Variants in PTPN13 observed in about 807,000 individuals in gnomAD.
The protein encoded by PTPN13 is protein tyrosine phosphatase non-receptor type 13, also known as tyrosine-protein phosphatase non-receptor type 13.
In PTPN13, 191 loss-of-function variants were observed where a neutral mutation model predicts 284.0. That is an observed-to-expected ratio of 0.67 (90% CI 0.60 to 0.76). The LOEUF is 0.76. Ranked by LOEUF, PTPN13 falls within the 30% of genes least tolerant of loss-of-function variation. The pLI, the probability that PTPN13 is intolerant of heterozygous loss-of-function variation, is 0.00. For synonymous variants in PTPN13, 986 were observed against 1,022.3 expected (o/e 0.96, Z 0.68); for missense variants, 2,797 against 2,939.9 (o/e 0.95, Z 1.12).
chr4:86,783,016 G>C (rs1477620029), intron 37 of PTPN13, among the ~76,000 whole-genome samples: 1 of 152,076 alleles, frequency 6.6e-6, no homozygotes, highest in East Asian at 1.9e-4. Context: ...CTTCAATATG[G>C]AATGGCTTTC....
rs982389398 is a variant in PTPN13 at position 86,744,870 on chromosome 4, T to A, written c.2488-96T>A. On this transcript the variant is annotated intron_variant, in intron 16 of 47. Coordinates refer to ENST00000411767, the MANE Select transcript of PTPN13 (RefSeq NM_080683.3). ...GATGCATGACTATATAGGATTATAT[T>A]CATATTAGATGTAAGTCAATATCCA... 5 of 912,562 alleles carry A rather than the reference T, an allele frequency of 5.5e-6. No individual in the cohort carries two copies. The African/African-American group carries it at 6.7e-5, about 12-fold the overall frequency. The allele number at this position is 912,562 out of a possible 1,614,324, so 56.5% of individuals were successfully genotyped here.
intron 18 of PTPN13, 38 bp from the exon 19 acceptor site, chr4:86,750,989 A>T (rs755985577): frequency 4.5e-6 from 7 of 1,565,222 alleles, no homozygotes; most frequent in Non-Finnish European, 6.1e-6. Flanking sequence ...ATTTTTTTAC[A>T]TTAACACTTC....
chr4:86,680,725 C>G (rs1054779411), intron 3 of PTPN13, among the ~76,000 whole-genome samples: 1 of 152,296 alleles, frequency 6.6e-6, no homozygotes, highest in Middle Eastern at 3.4e-3. Context: ...ACATGAAAAT[C>G]TCTCCAGAGT....
At position 86,768,741 on chromosome 4, in the gene PTPN13, C is replaced by T. The variant is rs1386573013; in HGVS notation, c.4489+765C>T. Among the ~76,000 whole-genome samples the T allele has an allele frequency of 4.4e-5, 6 of 135,266 alleles. No individual in the cohort carries two copies. The East Asian group carries it at 8.5e-4, about 19-fold the overall frequency. The allele number at this position is 135,266 out of a possible 152,430, so 88.7% of individuals were successfully genotyped here. A position where few individuals can be genotyped will look rare whatever the true frequency, so the allele number is the denominator to read the frequency against. Reference sequence around the variant, plus strand: ...TTTTTTTTTTTTTGAAACAGAGTCTCGTTCTGTTGCCCAGGCTGGAGTACA... The same window carrying T: ...TTTTTTTTTTTTTGAAACAGAGTCTTGTTCTGTTGCCCAGGCTGGAGTACA... On this transcript the variant is annotated intron_variant, in intron 28 of 47. Coordinates refer to ENST00000411767, the MANE Select transcript of PTPN13 (RefSeq NM_080683.3).
At chr4:86,730,882 G>T (rs545102235) in intron 10 of PTPN13, among the ~76,000 whole-genome samples, 65 of 152,270 alleles carry the variant, frequency 4.3e-4, no homozygotes, top group African/African-American at 1.5e-3. Flanking sequence ...CCCGTCTTCT[G>T]TGTCGATCAC....
chr4:86,597,272 CTG>C (rs1420491460), intron 1 of PTPN13, among the ~76,000 whole-genome samples: 1 of 151,350 alleles, frequency 6.6e-6, no homozygotes, highest in African/African-American at 2.4e-5. Context: ...GATAGGGTCT[CTG>C]TTGCCCAGTT....
chr4:86,668,731 G>T (rs1475649176), intron 2 of PTPN13, among the ~76,000 whole-genome samples: 8 of 150,904 alleles, frequency 5.3e-5, no homozygotes. Flanking sequence ...GAGTACCTGG[G>T]ATTACAGGTA....
At chr4:86,661,166 G>A in intron 2 of PTPN13, 1 of 441,726 alleles carries the variant, frequency 2.3e-6, no homozygotes, top group Non-Finnish European at 4.5e-6. Flanking sequence ...TTTACCAAGG[G>A]TAATCACTGC....
intron 10 of PTPN13, among the ~76,000 whole-genome samples, chr4:86,731,259 T>C (rs908775597): frequency 1.3e-5 from 2 of 152,198 alleles, no homozygotes; most frequent in Admixed American, 6.5e-5. Context: ...CATTAAGATA[T>C]GATCTTTCAG....
Position 86,701,625 on chromosome 4 carries a change from A to G in PTPN13, c.1019A>G (p.Lys340Arg), listed in dbSNP as rs1455604331. The part of the protein sequence containing the change: ...TVRTSTTPRK[K>R]EARYSDGSIA... ...CGGACTTCAACTACTCCTAGAAAAAAGGAGGCAAGATACTCAGATGGAAGT... is the reference window on the plus strand; with the variant it reads ...CGGACTTCAACTACTCCTAGAAAAAGGGAGGCAAGATACTCAGATGGAAGT... Residue 340 changes from lysine to arginine, a missense_variant, in exon 7 of 48, where the codon AAG (lysine) becomes AGG (arginine). By Grantham distance (26) the Lys-to-Arg change is conservative (BLOSUM62 2). Transcript: ENST00000411767. The G allele has an allele frequency of 8.1e-6, 13 of 1,613,956 alleles. No individual in the cohort carries two copies. Among genetic ancestry groups the G allele is most frequent in the South Asian group, 2.2e-5 (2 of 91,078 alleles).
intron 44 of PTPN13, 59 bp downstream of exon 44, chr4:86,805,428 A>G: frequency 3.7e-6 from 4 of 1,070,076 alleles, no homozygotes; most frequent in Non-Finnish European, 4.0e-6. Flanking sequence ...AATGGATTAA[A>G]ATTTTTTGTG....
intron 35 of PTPN13, among the ~76,000 whole-genome samples, chr4:86,777,097 A>T (rs1252251094): frequency 1.3e-5 from 2 of 152,264 alleles, no homozygotes; most frequent in African/African-American, 4.8e-5. Context: ...ACAGATTGAG[A>T]AAATGTATTA....
intron 1 of PTPN13, among the ~76,000 whole-genome samples, chr4:86,605,880 T>C (rs1438197140): frequency 6.6e-6 from 1 of 151,622 alleles, no homozygotes; most frequent in East Asian, 1.9e-4. Flanking sequence ...TAATGAGAGG[T>C]TGTTAAAGGA....
At chr4:86,608,555 T>G (rs1357929494) in intron 1 of PTPN13, among the ~76,000 whole-genome samples, 1 of 152,114 alleles carries the variant, frequency 6.6e-6, no homozygotes, top group Non-Finnish European at 1.5e-5. Context: ...AAAAATTTAA[T>G]TCCTCAAAAT....
At position 86,688,451 on chromosome 4, in the gene PTPN13, T is replaced by A. The variant is rs145071724; in HGVS notation, c.361-554T>A. Among the ~76,000 whole-genome samples the A allele has an allele frequency of 4.2e-3, 634 of 152,284 alleles. 4 individuals are homozygous for A. Among genetic ancestry groups the A allele is most frequent in the African/African-American group, 0.014 (602 of 41,574 alleles). ...CATATGCTCTTTGGCCATTCAGATA[T>A]AATATTCTACAAAATACGTTAACTA... is the stretch of plus-strand genomic sequence containing the variant. On this transcript the variant is annotated intron_variant, in intron 4 of 47. Transcript: ENST00000411767.
chr4:86,716,990 C>T (rs1328012275), intron 8 of PTPN13, 34 bp from the exon 9 acceptor site: 1 of 1,419,962 alleles, frequency 7.0e-7, no homozygotes, highest in South Asian at 1.2e-5. Context: ...GTTTCTATCA[C>T]CTGTGCCATT....
chr4:86,720,246 T>G (rs570355565), intron 9 of PTPN13, among the ~76,000 whole-genome samples: 1 of 152,348 alleles, frequency 6.6e-6, no homozygotes, highest in African/African-American at 2.4e-5. Context: ...TAAATCATTT[T>G]GGGAGCCTTA....
At chr4:86,705,988 TA>T (rs564384406) in intron 7 of PTPN13, among the ~76,000 whole-genome samples, 34 of 152,170 alleles carry the variant, frequency 2.2e-4, no homozygotes, top group Non-Finnish European at 3.8e-4. Context: ...GCTTTTTCCT[TA>T]ACCCAGGCCC....
intron 3 of PTPN13, among the ~76,000 whole-genome samples, chr4:86,677,033 C>T (rs527256276): frequency 3.3e-5 from 5 of 151,952 alleles, no homozygotes; most frequent in Admixed American, 6.6e-5. Flanking sequence ...TTTGGAAGGC[C>T]GAAGCGGGCA....
Sources: allele counts gnomAD v4.1 joint callset (sites outside exome capture counted in the v4.1 genomes callset), GRCh38; gene constraint gnomAD v4.1.1; transcripts MANE v1.5; gene names NCBI Gene and HGNC (gene_info 2026-07-23, HGNC 2026-07-21).